Variants in CNIH1 observed in about 807,000 individuals in gnomAD.
The protein encoded by CNIH1 is cornichon family member 1.
In CNIH1, 12 loss-of-function variants were observed where a neutral mutation model predicts 20.2. That is an observed-to-expected ratio of 0.59 (90% CI 0.38 to 0.96). The LOEUF is 0.96. Ranked by LOEUF, CNIH1 falls within the 40% of genes least tolerant of loss-of-function variation. The pLI is 0.00. For synonymous variants in CNIH1, 69 were observed against 63.3 expected (o/e 1.09, Z -0.43); for missense variants, 152 against 178.8 (o/e 0.85, Z 0.85).
At chr14:54,431,242 C>T (rs1203732910) in intron 3 of CNIH1, among the ~76,000 whole-genome samples, 1 of 152,108 alleles carries the variant, frequency 6.6e-6, no homozygotes, top group South Asian at 2.1e-4. Flanking sequence ...AATTCTCTGC[C>T]TCAGCTTCCC....
chr14:54,429,909 A>G lies in CNIH1; in HGVS notation c.407+352T>C, dbSNP rs560240038. ...GGAAAAAATGAAACATAATGTCTGG[A>G]GAGACCCTGAAGACAAGCAGAAATT... is the stretch of plus-strand genomic sequence containing the variant. On this transcript the variant is annotated intron_variant, in intron 4 of 4. Transcript: ENST00000216416. Among the ~76,000 whole-genome samples the G allele has an allele frequency of 3.9e-5, 6 of 152,352 alleles. No homozygotes were observed. The South Asian group carries it at 1.2e-3, about 32-fold the overall frequency.
At position 54,427,302 on chromosome 14, in the gene CNIH1, G is replaced by A. The variant is rs1236762375; in HGVS notation, c.*512C>T. The A allele has an allele frequency of 6.6e-6, 1 of 152,392 alleles. No homozygotes were observed. The highest frequency in any genetic ancestry group is 2.4e-5 in the African/African-American group (1 of 41,424). 9.4% of individuals were successfully genotyped at this position (152,392 alleles called of 1,614,324 possible). On this transcript the variant is annotated 3_prime_UTR_variant, in exon 5 of 5. Coordinates refer to ENST00000216416, the MANE Select transcript of CNIH1 (RefSeq NM_005776.3). ...GGGAAAATTCCCGCTTTTTATTTTT[G>A]TAAATGTATCCATATATAATCATCG...
rs557224320 is a variant in CNIH1, at chr14:54,440,872, C to T, written c.81+375G>A. Among the ~76,000 whole-genome samples the T allele has an allele frequency of 2.0e-5, 3 of 152,322 alleles. No homozygotes were observed. The South Asian group carries it at 6.2e-4, about 32-fold the overall frequency. On this transcript the variant is annotated intron_variant, in intron 1 of 4. Coordinates refer to ENST00000216416, the MANE Select transcript of CNIH1 (RefSeq NM_005776.3). ...TAACAAAAATTCGGAAAACTTCATTCACACTACGGCCGTCCCACCGCGCTG... is the reference window on the plus strand; with the variant it reads ...TAACAAAAATTCGGAAAACTTCATTTACACTACGGCCGTCCCACCGCGCTG...
Position 54,436,222 on chromosome 14 carries a change from A to G in CNIH1, c.150+147T>C, listed in dbSNP as rs2031052194. 4 of 697,458 alleles carry G rather than the reference A, an allele frequency of 5.7e-6. No individual in the cohort carries two copies. In the East Asian group the frequency reaches 8.1e-5, roughly 14 times the overall value. The allele number at this position is 697,458 out of a possible 1,614,324, so 43.2% of individuals were successfully genotyped here. ...TAATAATAGAATAGTCAAGCACGAC[A>G]GGAAAAAGAAGATTTTTTAAATTCT... On this transcript the variant is annotated intron_variant, in intron 2 of 4. Coordinates refer to ENST00000216416, the MANE Select transcript of CNIH1 (RefSeq NM_005776.3).
chr14:54,441,147 C>A (rs1051420811), intron 1 of CNIH1, 100 bp downstream of exon 1: 6 of 1,232,936 alleles, frequency 4.9e-6, no homozygotes, highest in Non-Finnish European at 6.2e-6. Flanking sequence ...ATCCCCGACG[C>A]GCAAAGCCCC....
chr14:54,430,352 T>A lies in CNIH1; in HGVS notation c.316A>T (p.Ile106Phe). Reference sequence around the variant, plus strand: ...TATGCTAGAATATCTGCATTCATGATGGTTGTAGGGTCATAGAGTCCTGGG... The same window carrying A: ...TATGCTAGAATATCTGCATTCATGAAGGTTGTAGGGTCATAGAGTCCTGGG... ...SGPGLYDPTT[I>F]MNADILAYCQ... is the part of the protein sequence containing the mutation. The change falls in exon 4 of 5, where the codon ATC becomes TTC. Residue 106 changes from isoleucine (I) to phenylalanine (F), a missense_variant. Ile to Phe is a conservative substitution (Grantham distance 21). This residue lies in a region of CNIH1 where 27 missense variants were observed against 55.4 expected (regional missense o/e 0.49). Transcript: ENST00000216416. The A allele has an allele frequency of 6.2e-7, 1 of 1,614,098 alleles. No homozygotes were observed. The highest frequency in any genetic ancestry group is 8.5e-7 in the Non-Finnish European group (1 of 1,179,938).
chr14:54,427,487 T>C lies in CNIH1; in HGVS notation c.*327A>G, dbSNP rs191170776. ...TTCCTATAAACAAAAGCTTCCAATGTACTAGGACAGTCAGTAATTAATGCA... is the reference window on the plus strand; with the variant it reads ...TTCCTATAAACAAAAGCTTCCAATGCACTAGGACAGTCAGTAATTAATGCA... On this transcript the variant is annotated 3_prime_UTR_variant, in exon 5 of 5. Transcript: ENST00000216416. 4.2e-5 allele frequency: 12 copies of C among 285,828 alleles called. No individual in the cohort carries two copies. The Admixed American group carries it at 4.3e-4, about 10-fold the overall frequency. 17.7% of individuals were successfully genotyped at this position (285,828 alleles called of 1,614,324 possible). A position where few individuals can be genotyped will look rare whatever the true frequency, so the allele number is the denominator to read the frequency against.
chr14:54,430,150 T>TA, intron 4 of CNIH1, 111 bp downstream of exon 4: 1 of 1,167,746 alleles, frequency 8.6e-7, no homozygotes, highest in Non-Finnish European at 1.2e-6. Flanking sequence ...CATGCACACT[T>TA]AAGACACTAA....
intron 4 of CNIH1, 72 bp downstream of exon 4, chr14:54,430,189 G>A: frequency 6.7e-7 from 1 of 1,502,242 alleles, no homozygotes; most frequent in Non-Finnish European, 9.1e-7. Flanking sequence ...TTTGAGGTGT[G>A]AAAACCATAA....
rs2030792861 is a variant in CNIH1, at chr14:54,424,696, A to T, written c.*3118T>A. 6.6e-6 allele frequency: 1 copy of T among 152,224 alleles called. No individual in the cohort carries two copies. The highest frequency in any genetic ancestry group is 1.5e-5 in the Non-Finnish European group (1 of 68,032). The allele number at this position is 152,224 out of a possible 1,614,324, so 9.4% of individuals were successfully genotyped here. Reference sequence around the variant, plus strand: ...AAATATATTGATTTGGGGAGCAGAGAAGAGCTCTATGAGAACTGTTTGCAG... The same window carrying T: ...AAATATATTGATTTGGGGAGCAGAGTAGAGCTCTATGAGAACTGTTTGCAG... On this transcript the variant is annotated 3_prime_UTR_variant, in exon 5 of 5. Coordinates refer to ENST00000216416, the MANE Select transcript of CNIH1 (RefSeq NM_005776.3).
In CNIH1 at chr14:54,441,357, C is replaced by G. The variant is rs977793406; in HGVS notation, c.-30G>C. The G allele has an allele frequency of 2.7e-6, 4 of 1,479,542 alleles. No homozygotes were observed. The highest frequency in any genetic ancestry group is 2.9e-5 in the African/African-American group (2 of 68,940). 91.7% of individuals were successfully genotyped at this position (1,479,542 alleles called of 1,614,324 possible). ...GGGGAGGAGGAGCGGGGAGCGGCGC[C>G]GTTGCCAGCGGAGAAAGGCGGCGCA... On this transcript the variant is annotated 5_prime_UTR_variant, in exon 1 of 5. Transcript: ENST00000216416.
At chr14:54,439,542 TTC>T (rs2031125835) in intron 1 of CNIH1, among the ~76,000 whole-genome samples, 1 of 150,022 alleles carries the variant, frequency 6.7e-6, no homozygotes, top group Non-Finnish European at 1.5e-5. Flanking sequence ...ACCACACACT[TTC>T]TTTCTTTCTT....
At chr14:54,441,030 G>A (rs1356141721) in intron 1 of CNIH1, among the ~76,000 whole-genome samples, 1 of 151,836 alleles carries the variant, frequency 6.6e-6, no homozygotes, top group Non-Finnish European at 1.5e-5. Context: ...CGCGCGGCCT[G>A]TGCCGAGGCA....
chr14:54,435,864 A>G (rs2031044632), intron 2 of CNIH1, among the ~76,000 whole-genome samples: 1 of 152,214 alleles, frequency 6.6e-6, no homozygotes, highest in South Asian at 2.1e-4. Context: ...GCCTATGGCT[A>G]TAACATAAAA....
intron 4 of CNIH1, among the ~76,000 whole-genome samples, chr14:54,429,260 A>G (rs1323051811): frequency 6.6e-6 from 1 of 152,218 alleles, no homozygotes; most frequent in Non-Finnish European, 1.5e-5. Context: ...GACATCTGGC[A>G]ATGTCCAGAG....
In CNIH1 at chr14:54,427,555, A is replaced by G; in HGVS notation, c.*259T>C. 2.1e-6 allele frequency: 1 copy of G among 473,492 alleles called. No homozygotes were observed. Among genetic ancestry groups the G allele is most frequent in the Non-Finnish European group, 3.7e-6 (1 of 267,676 alleles). The allele number at this position is 473,492 out of a possible 1,614,324, so 29.3% of individuals were successfully genotyped here. ...GCTGTTCCTTAAGAAGTGCAAGTTC[A>G]AACCTGTCAACACCAGAGGTAATCA... On this transcript the variant is annotated 3_prime_UTR_variant, in exon 5 of 5. Coordinates refer to ENST00000216416, the MANE Select transcript of CNIH1 (RefSeq NM_005776.3).
intron 4 of CNIH1, among the ~76,000 whole-genome samples, chr14:54,428,436 C>T: frequency 6.6e-6 from 1 of 152,212 alleles, no homozygotes; most frequent in Non-Finnish European, 1.5e-5. Flanking sequence ...GGCAATTCTA[C>T]AGAGTGCTAT....
intron 4 of CNIH1, 103 bp from the exon 5 acceptor site, chr14:54,427,944 A>G (rs1475872583): frequency 4.6e-6 from 5 of 1,086,080 alleles, no homozygotes; most frequent in Non-Finnish European, 5.5e-6. Flanking sequence ...GTATCACAGA[A>G]AATGACAAGA....
At chr14:54,441,143 G>C (rs1483376357) in intron 1 of CNIH1, 104 bp downstream of exon 1, 6 of 1,140,796 alleles carry the variant, frequency 5.3e-6, no homozygotes, top group Middle Eastern at 3.5e-4. Flanking sequence ...CCGCATCCCC[G>C]ACGCGCAAAG....
Sources: allele counts gnomAD v4.1 joint callset (sites outside exome capture counted in the v4.1 genomes callset), GRCh38; gene constraint gnomAD v4.1.1; regional missense constraint gnomAD v4.1.1; transcripts MANE v1.5; gene names NCBI Gene and HGNC (gene_info 2026-07-23, HGNC 2026-07-21).